DNAH14: variants seen among roughly 807,000 people sequenced by gnomAD.
The protein encoded by DNAH14 is axonemal beta dynein heavy chain 14.
In DNAH14, 478 loss-of-function variants were observed where a neutral mutation model predicts 520.9. The ratio of observed to expected loss-of-function variants is 0.92; its 90% CI spans 0.85 to 0.99. DNAH14 has a LOEUF of 0.99. Ranked by LOEUF, DNAH14 falls within the 50% of genes least tolerant of loss-of-function variation. The pLI, the probability that DNAH14 is intolerant of heterozygous loss-of-function variation, is 0.00. For missense variants in DNAH14, 4,831 were observed against 5,234.5 expected (o/e 0.92, Z 2.38); for synonymous variants, 1,581 against 1,757.2 (o/e 0.90, Z 2.51).
intron 77 of DNAH14, among the ~76,000 whole-genome samples, chr1:225,372,495 A>G (rs558784798): frequency 6.6e-6 from 1 of 152,330 alleles, no homozygotes; most frequent in Admixed American, 6.5e-5. Context: ...CAAAAAGTAA[A>G]TGATACTGGC....
intron 10 of DNAH14, among the ~76,000 whole-genome samples, chr1:225,009,436 A>G (rs1324030399): frequency 6.6e-6 from 1 of 152,066 alleles, no homozygotes; most frequent in East Asian, 1.9e-4. Flanking sequence ...GTTACTTCTG[A>G]GGCCTCTGTT....
chr1:224,990,514 T>C (rs1019902481), intron 8 of DNAH14, among the ~76,000 whole-genome samples: 1 of 152,220 alleles, frequency 6.6e-6, no homozygotes, highest in Non-Finnish European at 1.5e-5. Flanking sequence ...TCCCTGCTTT[T>C]TTCAGTTTGA....
At chr1:225,024,015 C>T in intron 11 of DNAH14, 150 bp downstream of exon 11, 1 of 1,369,694 alleles carries the variant, frequency 7.3e-7, no homozygotes, top group Non-Finnish European at 9.4e-7. Flanking sequence ...ATTAACAGAA[C>T]TTATTATTTG....
At chr1:225,379,071 G>A (rs942185272) in intron 79 of DNAH14, among the ~76,000 whole-genome samples, 1 of 152,010 alleles carries the variant, frequency 6.6e-6, no homozygotes, top group African/African-American at 2.4e-5. Flanking sequence ...GTGTTTAGTG[G>A]TTTTGCATAG....
chr1:225,022,372 CAG>C (rs1457861856), intron 10 of DNAH14, among the ~76,000 whole-genome samples: 14 of 152,230 alleles, frequency 9.2e-5, no homozygotes, highest in African/African-American at 3.4e-4. Flanking sequence ...TTCTAACATC[CAG>C]AGTCTATAAG....
chr1:225,275,727 AAGAGTCCAC>A (rs1354056048), intron 52 of DNAH14, among the ~76,000 whole-genome samples, 178 bp from the exon 53 acceptor site: 2 of 152,180 alleles, frequency 1.3e-5, no homozygotes, highest in Admixed American at 6.6e-5. Flanking sequence ...TATTTTGAGA[AAGAGTCCAC>A]AGGCTTTCTA....
intron 17 of DNAH14, among the ~76,000 whole-genome samples, chr1:225,077,596 G>A (rs1313126916): frequency 6.6e-6 from 1 of 152,138 alleles, no homozygotes; most frequent in African/African-American, 2.4e-5. Context: ...CCATATGCCA[G>A]GTACATTGTA....
intron 74 of DNAH14, among the ~76,000 whole-genome samples, chr1:225,360,232 TTATC>T (rs1465498082): frequency 6.6e-6 from 1 of 152,242 alleles, no homozygotes; most frequent in Non-Finnish European, 1.5e-5. Context: ...CACATTTTCT[TTATC>T]TAGTCTATCA....
intron 69 of DNAH14, among the ~76,000 whole-genome samples, chr1:225,345,410 C>G (rs1172392879): frequency 7.9e-5 from 12 of 152,140 alleles, no homozygotes; most frequent in Admixed American, 7.2e-4. Context: ...AACCTGAGAG[C>G]TCCCTTAAAT....
intron 54 of DNAH14, among the ~76,000 whole-genome samples, chr1:225,281,597 A>AT (rs202126709): frequency 0.049 from 7,522 of 152,162 alleles, 295 homozygotes; most frequent in Non-Finnish European, 0.073. Flanking sequence ...ATGTAAATAT[A>AT]TTTTTCTTCT....
chr1:225,262,299 G>A (rs182498103), intron 46 of DNAH14, among the ~76,000 whole-genome samples: 26 of 151,672 alleles, frequency 1.7e-4, no homozygotes, highest in African/African-American at 6.0e-4. Flanking sequence ...GGTTGTCTGT[G>A]TACTCTGTTT....
intron 27 of DNAH14, among the ~76,000 whole-genome samples, chr1:225,128,114 C>T (rs9660934): frequency 0.082 from 12,484 of 152,042 alleles, 1,657 homozygotes; most frequent in African/African-American, 0.28. Flanking sequence ...GTGGGTAACC[C>T]GACCGTTCTC....
At position 224,952,765 on chromosome 1, in the gene DNAH14, C is replaced by T. The variant is rs538639998; in HGVS notation, c.63C>T (p.Thr21=). 15 of 1,598,006 alleles carry T rather than the reference C, an allele frequency of 9.4e-6. No homozygotes were observed. In the East Asian group the frequency reaches 2.9e-4, roughly 31 times the overall value. ...ATCAAGAGATGGACAAGGAGGAAAC[C>T]AAGACAAAACCAAGGTAAAAGTAAG... ...TENQEMDKEE[T]KTKPRLLRYE... The change falls in exon 2 of 86, where the codon ACC becomes ACT. Residue 21 remains threonine (T), a synonymous_variant. Transcript: ENST00000682510.
intron 62 of DNAH14, among the ~76,000 whole-genome samples, chr1:225,323,308 T>G (rs2094589337): frequency 6.6e-6 from 1 of 152,174 alleles, no homozygotes; most frequent in Non-Finnish European, 1.5e-5. Flanking sequence ...TTTTTAGATA[T>G]CAAATTCTTA....
chr1:225,336,185 T>C (rs569472963), intron 66 of DNAH14, among the ~76,000 whole-genome samples: 26 of 149,748 alleles, frequency 1.7e-4, no homozygotes, highest in African/African-American at 5.6e-4. Context: ...TATAAGACTA[T>C]GCAACAGTAT....
intron 36 of DNAH14, among the ~76,000 whole-genome samples, chr1:225,184,746 TAA>T (rs909186033): frequency 6.7e-6 from 1 of 148,560 alleles, no homozygotes; most frequent in East Asian, 2.0e-4. Flanking sequence ...GAACATATCT[TAA>T]AAAAAAGAGA....
intron 8 of DNAH14, among the ~76,000 whole-genome samples, chr1:224,986,247 T>C (rs970864730): frequency 6.6e-6 from 1 of 151,364 alleles, no homozygotes; most frequent in South Asian, 2.1e-4. Flanking sequence ...AAATAGAGTA[T>C]TTGGGAATAT....
intron 42 of DNAH14, among the ~76,000 whole-genome samples, chr1:225,236,517 T>C (rs1345470306): frequency 6.6e-6 from 1 of 152,120 alleles, no homozygotes; most frequent in Non-Finnish European, 1.5e-5. Context: ...GGGTGAAGAG[T>C]TCTGTAGATA....
chr1:225,124,268 A>T (rs2077519346), intron 27 of DNAH14, among the ~76,000 whole-genome samples: 1 of 152,148 alleles, frequency 6.6e-6, no homozygotes, highest in African/African-American at 2.4e-5. Flanking sequence ...AATTTCTTAA[A>T]ATTAGATAAC....
Sources: gnomAD v4.1 joint callset for allele counts (sites outside exome capture counted in the v4.1 genomes callset) on GRCh38, gnomAD v4.1.1 for gene constraint, MANE v1.5 for transcripts, NCBI Gene and HGNC (gene_info 2026-07-23, HGNC 2026-07-21) for gene names.